Variants in RORA observed in about 807,000 individuals in gnomAD.
RORA encodes nuclear receptor ROR-alpha.
A neutral mutation model predicts 69.5 loss-of-function variants in RORA; 7 were observed. The ratio of observed to expected loss-of-function variants is 0.10; its 90% CI spans 0.06 to 0.19. The LOEUF is 0.19. Ranked by LOEUF, RORA falls within the 10% of genes least tolerant of loss-of-function variation. RORA has a pLI of 1.00. For missense variants in RORA, 457 were observed against 663.0 expected (o/e 0.69, Z 3.41); for synonymous variants, 261 against 240.8 (o/e 1.08, Z -0.78).
chr15:60,678,221 A>G (rs898503382), intron 2 of RORA: 1 of 153,914 alleles, frequency 6.5e-6, no homozygotes, highest in African/African-American at 2.4e-5. Flanking sequence ...CCCAGTCAGC[A>G]TCTCTGCTCC....
intron 1 of RORA, chr15:60,686,768 G>A (rs543647473): frequency 8.5e-5 from 13 of 152,312 alleles, no homozygotes; most frequent in African/African-American, 2.6e-4. Context: ...CCTGGATGCC[G>A]GCTATAGCTG....
intron 1 of RORA, among the ~76,000 whole-genome samples, chr15:60,947,356 C>T (rs1448586794): frequency 6.6e-6 from 1 of 152,174 alleles, no homozygotes; most frequent in South Asian, 2.1e-4. Flanking sequence ...GGGAAAAATT[C>T]TTCTGCCTTG....
chr15:60,978,701 T>C (rs1893945421), intron 1 of RORA, among the ~76,000 whole-genome samples: 1 of 152,172 alleles, frequency 6.6e-6, no homozygotes, highest in Non-Finnish European at 1.5e-5. Flanking sequence ...TTTTTGTACA[T>C]AGTATGAGGT....
At chr15:60,662,452 A>G (rs1448479044) in intron 2 of RORA, among the ~76,000 whole-genome samples, 2 of 152,222 alleles carry the variant, frequency 1.3e-5, no homozygotes, top group Non-Finnish European at 2.9e-5. Context: ...TTGTTCCTAT[A>G]TGAATACATT....
intron 2 of RORA, among the ~76,000 whole-genome samples, chr15:60,597,551 C>CA (rs1555435946): frequency 1.2e-4 from 3 of 25,132 alleles, no homozygotes; most frequent in Non-Finnish European, 1.5e-4. Context: ...ACACACACAA[C>CA]ATATATATAT....
Position 60,726,821 on chromosome 15 carries a change from G to A in RORA, c.167-48135C>T, listed in dbSNP as rs924785301. Among the ~76,000 whole-genome samples the A allele has an allele frequency of 5.3e-5, 8 of 152,182 alleles. No homozygotes were observed. The East Asian group carries it at 5.8e-4, about 11-fold the overall frequency. ...ATTACATTGAGGAGCCCTGAGGGTCGTGGGGTAGATAATCAAAAAGGACAA... is the reference window on the plus strand; with the variant it reads ...ATTACATTGAGGAGCCCTGAGGGTCATGGGGTAGATAATCAAAAAGGACAA... On this transcript the variant is annotated intron_variant, in intron 1 of 10. Transcript: ENST00000335670.
rs147306786 is a variant in RORA at position 60,521,509 on chromosome 15, G to A, written c.283-6752C>T. Among the ~76,000 whole-genome samples, 216 of 152,138 alleles carry A rather than the reference G, an allele frequency of 1.4e-3. 3 individuals are homozygous for A. In the East Asian group the frequency reaches 0.038, roughly 27 times the overall value. Reference sequence around the variant, plus strand: ...CCTGCCTCGGCCTCCCAAAGTGCTCGGATTTACAGGCGTGAGCCACCGTAC... The same window carrying A: ...CCTGCCTCGGCCTCCCAAAGTGCTCAGATTTACAGGCGTGAGCCACCGTAC... On this transcript the variant is annotated intron_variant, in intron 3 of 10. Coordinates refer to ENST00000335670, the MANE Select transcript of RORA (RefSeq NM_134261.3).
At chr15:60,685,076 C>A (rs2070720917) in intron 1 of RORA, among the ~76,000 whole-genome samples, 1 of 152,200 alleles carries the variant, frequency 6.6e-6, no homozygotes, top group Non-Finnish European at 1.5e-5. Flanking sequence ...ATTGCATACA[C>A]CTTGTGAATC....
At chr15:60,937,050 G>A (rs987527387) in intron 1 of RORA, among the ~76,000 whole-genome samples, 12 of 152,154 alleles carry the variant, frequency 7.9e-5, no homozygotes, top group Non-Finnish European at 1.6e-4. Context: ...CATATGGAGT[G>A]CTCTATGTTG....
rs753257615 is a variant in RORA, at chr15:61,191,642, A to C, written c.166+37411T>G. Among the ~76,000 whole-genome samples the C allele has an allele frequency of 9.0e-4, 137 of 152,298 alleles. 1 individual carries two copies. The highest frequency in any genetic ancestry group is 6.2e-4 in the Non-Finnish European group (42 of 68,010). ...TCCTTCCAATGGAATTGAGACACTG[A>C]CTGCTTATTGGTTCTCCCTTCCCAA... On this transcript the variant is annotated intron_variant, in intron 1 of 10. Coordinates refer to ENST00000335670, the MANE Select transcript of RORA (RefSeq NM_134261.3).
chr15:60,593,824 A>C (rs189742249), intron 2 of RORA, among the ~76,000 whole-genome samples: 15 of 146,172 alleles, frequency 1.0e-4, no homozygotes, highest in Admixed American at 4.9e-4. Context: ...TAATTCTAGC[A>C]TATTTTTTTC....
At chr15:60,960,778 CT>C (rs1316391485) in intron 1 of RORA, among the ~76,000 whole-genome samples, 34 of 152,078 alleles carry the variant, frequency 2.2e-4, no homozygotes, top group Non-Finnish European at 4.6e-4. Context: ...ATTCGCTTCA[CT>C]CTAGACTGTT....
At chr15:61,172,377 G>T (rs2079592740) in intron 1 of RORA, among the ~76,000 whole-genome samples, 1 of 152,140 alleles carries the variant, frequency 6.6e-6, no homozygotes, top group Non-Finnish European at 1.5e-5. Flanking sequence ...TAAATTAGTG[G>T]TTATAAATAG....
At chr15:60,988,122 A>C (rs1434494177) in intron 1 of RORA, among the ~76,000 whole-genome samples, 1 of 152,220 alleles carries the variant, frequency 6.6e-6, no homozygotes, top group African/African-American at 2.4e-5. Flanking sequence ...CTAAGTACCC[A>C]GGAAGTGAGC....
At chr15:61,204,849 T>C (rs2079926262) in intron 1 of RORA, among the ~76,000 whole-genome samples, 1 of 152,226 alleles carries the variant, frequency 6.6e-6, no homozygotes, top group African/African-American at 2.4e-5. Context: ...AAATCCTGGC[T>C]ATCCAAATCC....
rs1221936477 is a variant in RORA at position 60,493,480 on chromosome 15, ATAC to A, written c.*3972_*3974del. The stretch of plus-strand genomic sequence containing the variant: ...TACTACTTAAACCTTTTCATGAAAG[ATAC>A]TACTAGGTTGTTTTGCATTTTGGAA... On this transcript the variant is annotated 3_prime_UTR_variant, in exon 11 of 11. Coordinates refer to ENST00000335670, the MANE Select transcript of RORA (RefSeq NM_134261.3). 3 of 152,242 alleles carry A rather than the reference ATAC, an allele frequency of 2.0e-5. No homozygotes were observed. Among genetic ancestry groups the A allele is most frequent in the Non-Finnish European group, 4.4e-5 (3 of 68,042 alleles). 9.4% of individuals were successfully genotyped at this position (152,242 alleles called of 1,614,324 possible).
At chr15:60,806,106 C>A (rs1051588030) in intron 1 of RORA, among the ~76,000 whole-genome samples, 1 of 152,080 alleles carries the variant, frequency 6.6e-6, no homozygotes, top group African/African-American at 2.4e-5. Context: ...TGACATGCTG[C>A]CTTGAAATTC....
chr15:60,592,488 G>T, intron 2 of RORA: 1 of 1,330,818 alleles, frequency 7.5e-7, no homozygotes. Context: ...CCGCCGCCGC[G>T]CCGCCGCCGC....
chr15:61,187,522 G>C (rs1363995268), intron 1 of RORA, among the ~76,000 whole-genome samples: 1 of 152,216 alleles, frequency 6.6e-6, no homozygotes, highest in East Asian at 1.9e-4. Flanking sequence ...GTAGGGATGG[G>C]AAGTGGGCCC....
Sources: allele counts gnomAD v4.1 joint callset (sites outside exome capture counted in the v4.1 genomes callset), GRCh38; gene constraint gnomAD v4.1.1; transcripts MANE v1.5; gene names NCBI Gene and HGNC (gene_info 2026-07-23, HGNC 2026-07-21).